ITGAV: variants seen among roughly 807,000 people sequenced by gnomAD.
ITGAV encodes integrin subunit alpha V.
In ITGAV, 76 loss-of-function variants were observed where a neutral mutation model predicts 143.8. That is an observed-to-expected ratio of 0.53 (90% CI 0.44 to 0.64). ITGAV has a LOEUF of 0.64. ITGAV is among the 30% of genes least tolerant of loss of function. ITGAV has a pLI of 0.00. For missense variants in ITGAV, 1,193 were observed against 1,274.7 expected, an observed-to-expected ratio of 0.94 and a Z score of 0.98; for synonymous variants, 453 against 446.7, an observed-to-expected ratio of 1.01 and a Z score of -0.18.
At chr2:186,608,661 T>C (rs1340693426) in intron 2 of ITGAV, among the ~76,000 whole-genome samples, 1 of 152,192 alleles carries the variant, frequency 6.6e-6, no homozygotes, top group Admixed American at 6.5e-5. Context: ...TTTGTTTTCC[T>C]GAGTAGACTA....
At chr2:186,663,965 C>A (rs960431513) in intron 19 of ITGAV, 130 bp downstream of exon 19, 1 of 635,034 alleles carries the variant, frequency 1.6e-6, no homozygotes, top group Non-Finnish European at 2.8e-6. Context: ...TTCTATAACA[C>A]TAAAACTATC....
At chr2:186,649,396 A>G (rs1688362287) in intron 13 of ITGAV, among the ~76,000 whole-genome samples, 1 of 152,052 alleles carries the variant, frequency 6.6e-6, no homozygotes, top group South Asian at 2.1e-4. Flanking sequence ...GGCATATGAA[A>G]ACTAATGCAT....
intron 1 of ITGAV, among the ~76,000 whole-genome samples, chr2:186,598,797 C>T (rs1375611172): frequency 6.6e-6 from 1 of 152,044 alleles, no homozygotes; most frequent in Non-Finnish European, 1.5e-5. Flanking sequence ...AATCATTTTG[C>T]CGTGATGGGA....
At chr2:186,652,127 T>C in intron 15 of ITGAV, 38 bp downstream of exon 15, 1 of 1,237,348 alleles carries the variant, frequency 8.1e-7, no homozygotes, top group East Asian at 2.3e-5. Context: ...TTATTGTGAT[T>C]ATTGTTCAGG....
At chr2:186,600,218 G>A in intron 1 of ITGAV, 1 of 925,380 alleles carries the variant, frequency 1.1e-6, no homozygotes, top group Non-Finnish European at 1.7e-6. Flanking sequence ...TGTAGCTCCT[G>A]GAGATTCAAT....
At chr2:186,626,439 T>A (rs1390859991) in intron 4 of ITGAV, among the ~76,000 whole-genome samples, 1 of 152,214 alleles carries the variant, frequency 6.6e-6, no homozygotes, top group African/African-American at 2.4e-5. Flanking sequence ...ATAGTGTTTA[T>A]GCCTAGAGCC....
rs11902171 is a variant in ITGAV, at chr2:186,678,500, G to C, written c.*1208G>C. The C allele has an allele frequency of 0.23, 53,095 of 235,578 alleles. 6,494 individuals are homozygous for C. The highest frequency in any genetic ancestry group is 0.26 in the Middle Eastern group (183 of 696). The allele number at this position is 235,578 out of a possible 1,614,324, so 14.6% of individuals were successfully genotyped here. Reference sequence around the variant, plus strand: ...GTAATGTGTAAAATCAGTCTCGGCTGTCAGAATAACTTCTAAAAGGTATTT... The same window carrying C: ...GTAATGTGTAAAATCAGTCTCGGCTCTCAGAATAACTTCTAAAAGGTATTT... On this transcript the variant is annotated 3_prime_UTR_variant, in exon 30 of 30. Transcript: ENST00000261023.
chr2:186,646,874 C>T lies in ITGAV; in HGVS notation c.1348C>T (p.Pro450Ser), dbSNP rs1688278141. The change falls in exon 13 of 30, where the codon CCA (proline) becomes TCA (serine). Residue 450 changes from proline to serine, a missense_variant. By Grantham distance (74) the Pro-to-Ser change is moderately conservative (BLOSUM62 -1). Coordinates refer to ENST00000261023, the MANE Select transcript of ITGAV (RefSeq NM_002210.5). ...GATDIDKNGY[P>S]DLIVGAFGVD... is the part of the protein sequence containing the mutation. ...CACAGATATAGACAAAAATGGATAT[C>T]CAGGTGCTTTCTTATCAACACATAG... is the stretch of plus-strand genomic sequence containing the variant. 1 of 1,574,266 alleles carries T rather than the reference C, an allele frequency of 6.4e-7. No individual in the cohort carries two copies. The highest frequency in any genetic ancestry group is 1.8e-5 in the Admixed American group (1 of 56,408).
rs1688669193 is a variant in ITGAV at position 186,659,086 on chromosome 2, G to A, written c.1768G>A (p.Glu590Lys). The A allele has an allele frequency of 6.2e-7, 1 of 1,610,346 alleles. No individual in the cohort carries two copies. Residue 590 changes from glutamate (E) to lysine (K), a missense_variant, in exon 18 of 30, where the codon GAA (glutamate) becomes AAA (lysine). Coordinates refer to ENST00000261023, the MANE Select transcript of ITGAV (RefSeq NM_002210.5). ...ACTCACTCCAATTACTATTTTTATG[G>A]AATATCGGTTGGATTATAGAACAGC... ...DKLTPITIFM[E>K]YRLDYRTAAD...
intron 5 of ITGAV, among the ~76,000 whole-genome samples, chr2:186,631,809 G>A (rs943025372): frequency 1.3e-5 from 2 of 152,170 alleles, no homozygotes; most frequent in Admixed American, 6.5e-5. Context: ...GAGGTAGGAG[G>A]ATCACTGTAG....
chr2:186,602,022 C>A lies in ITGAV; in HGVS notation c.187C>A (p.Arg63=). The A allele has an allele frequency of 6.2e-7, 1 of 1,604,940 alleles. No homozygotes were observed. Among genetic ancestry groups the A allele is most frequent in the South Asian group, 1.1e-5 (1 of 88,696 alleles). The change falls in exon 2 of 30, where the codon CGG becomes AGG. Residue 63 remains arginine, a splice_region_variant and synonymous_variant. Coordinates refer to ENST00000261023, the MANE Select transcript of ITGAV (RefSeq NM_002210.5). ...TGGTCTGCCGCTTTTGTATTTTAGCCGGATGTTTCTTCTCGTGGGAGCTCC... is the reference window on the plus strand; with the variant it reads ...TGGTCTGCCGCTTTTGTATTTTAGCAGGATGTTTCTTCTCGTGGGAGCTCC... ...VDFFVPSASS[R]MFLLVGAPKA...
intron 1 of ITGAV, among the ~76,000 whole-genome samples, chr2:186,592,243 A>C (rs181205778): frequency 1.5e-3 from 223 of 152,222 alleles, no homozygotes; most frequent in Admixed American, 3.2e-3. Context: ...TTTGAGACCA[A>C]CCTGGGCAAC....
intron 2 of ITGAV, among the ~76,000 whole-genome samples, chr2:186,606,652 A>C (rs1247945386): frequency 6.6e-6 from 1 of 152,168 alleles, no homozygotes; most frequent in African/African-American, 2.4e-5. Context: ...TTTCCCTGAA[A>C]AACTAATCAA....
At position 186,654,688 on chromosome 2, in the gene ITGAV, G is replaced by A. The variant is rs938849170; in HGVS notation, c.1544G>A (p.Gly515Glu). The A allele has an allele frequency of 3.2e-6, 5 of 1,551,924 alleles. No homozygotes were observed. The highest frequency in any genetic ancestry group is 1.7e-5 in the Admixed American group (1 of 58,602). The change falls in exon 16 of 30, where the codon GGA becomes GAA. Residue 515 changes from glycine (G) to glutamate (E), a missense_variant. Physicochemically the swap from Gly to Glu is moderately conservative, Grantham distance 98. Transcript: ENST00000261023. ...TTCTGCTTAAAGGCAGATGGCAAAG[G>A]AGTACTTCCCAGGAAACTTAGTAAG... ...VRFCLKADGK[G>E]VLPRKLNFQV...
At chr2:186,600,392 T>C (rs1399234704) in intron 1 of ITGAV, 6 of 1,537,220 alleles carry the variant, frequency 3.9e-6, no homozygotes, top group South Asian at 1.2e-5. Flanking sequence ...GTGAGTTCCT[T>C]AGAAATAACT....
At chr2:186,634,405 G>A (rs1687899139) in intron 6 of ITGAV, among the ~76,000 whole-genome samples, 1 of 152,112 alleles carries the variant, frequency 6.6e-6, no homozygotes, top group Non-Finnish European at 1.5e-5. Context: ...TGATTTGAAA[G>A]TTTCAAATTT....
At chr2:186,668,449 G>A (rs1044505096) in intron 24 of ITGAV, 3 of 277,838 alleles carry the variant, frequency 1.1e-5, no homozygotes, top group African/African-American at 7.1e-5. Flanking sequence ...ACGTTGGCCA[G>A]GCTGGACATG....
At chr2:186,653,274 T>C (rs1055039451) in intron 15 of ITGAV, among the ~76,000 whole-genome samples, 3 of 152,174 alleles carry the variant, frequency 2.0e-5, no homozygotes, top group Non-Finnish European at 4.4e-5. Flanking sequence ...AAGCAAAATG[T>C]AGAAACCAGT....
intron 12 of ITGAV, among the ~76,000 whole-genome samples, chr2:186,643,655 A>C (rs1212498538): frequency 2.6e-5 from 4 of 152,202 alleles, no homozygotes; most frequent in African/African-American, 7.2e-5. Flanking sequence ...TTATGTTCCA[A>C]AATTTTATAT....
Sources: gnomAD v4.1 joint callset for allele counts (sites outside exome capture counted in the v4.1 genomes callset) on GRCh38, gnomAD v4.1.1 for gene constraint, MANE v1.5 for transcripts, NCBI Gene and HGNC (gene_info 2026-07-23, HGNC 2026-07-21) for gene names.